Variants in CHL1 observed in about 807,000 individuals in gnomAD.
The protein encoded by CHL1 is neural cell adhesion molecule L1-like protein.
CHL1 carries 96 observed loss-of-function variants against 141.9 expected under a neutral mutation model. The ratio of observed to expected loss-of-function variants is 0.68; its 90% CI spans 0.57 to 0.80. The LOEUF (loss-of-function observed/expected upper bound fraction) is 0.80. Among genes scored for constraint, CHL1 ranks in the 30% least tolerant of loss-of-function variants. The pLI, the probability that CHL1 is intolerant of heterozygous loss-of-function variation, is 0.00. For missense variants in CHL1, 1,820 were observed against 1,457.2 expected (o/e 1.25, Z -4.05); for synonymous variants, 613 against 502.2 (o/e 1.22, Z -2.95).
rs1700484921 is a variant in CHL1 at position 218,073 on chromosome 3, A to T, written c.-175+21010A>T. Among the ~76,000 whole-genome samples the T allele has an allele frequency of 3.3e-5, 5 of 152,242 alleles. No individual in the cohort carries two copies. In the South Asian group the frequency reaches 1.0e-3, roughly 32 times the overall value. The stretch of plus-strand genomic sequence containing the variant: ...ATAACCCACAGCCCCTGCACAGGAA[A>T]CCTCCACAGGAAACAATCAAAGAAT... On this transcript the variant is annotated intron_variant, in intron 1 of 27. Coordinates refer to ENST00000256509, the MANE Select transcript of CHL1 (RefSeq NM_006614.4).
intron 13 of CHL1, among the ~76,000 whole-genome samples, chr3:362,825 G>T (rs151285362): frequency 8.2e-4 from 125 of 152,306 alleles, no homozygotes; most frequent in African/African-American, 2.9e-3. Flanking sequence ...TCCCAGGACA[G>T]CAGGAGGTTT....
intron 18 of CHL1, 31 bp downstream of exon 18, chr3:382,702 A>T: frequency 1.3e-6 from 2 of 1,586,332 alleles, no homozygotes; most frequent in South Asian, 2.2e-5. Flanking sequence ...GGTTTCTAAC[A>T]AAATATTTGT....
At chr3:312,273 C>T (rs1303632276) in intron 2 of CHL1, among the ~76,000 whole-genome samples, 3 of 152,130 alleles carry the variant, frequency 2.0e-5, no homozygotes, top group Non-Finnish European at 2.9e-5. Flanking sequence ...AATGTGCCAG[C>T]TCTGCAGGGA....
chr3:311,687 A>T (rs1399073772), intron 2 of CHL1, among the ~76,000 whole-genome samples: 1 of 152,204 alleles, frequency 6.6e-6, no homozygotes, highest in Non-Finnish European at 1.5e-5. Flanking sequence ...AAGCTAGTGG[A>T]ATGTTTTTAG....
rs1709581228 is a variant in CHL1, at chr3:407,169, A to G, written c.*1458A>G. 1 of 152,092 alleles carries G rather than the reference A, an allele frequency of 6.6e-6. No individual in the cohort carries two copies. 9.4% of individuals were successfully genotyped at this position (152,092 alleles called of 1,614,324 possible). ...TCAGCGCTCGACATTTTATGGAAAG[A>G]TTTTTTTAACCTTACCACGAAATAC... On this transcript the variant is annotated 3_prime_UTR_variant, in exon 28 of 28. Coordinates refer to ENST00000256509, the MANE Select transcript of CHL1 (RefSeq NM_006614.4).
At chr3:369,759 T>G (rs1705386835) in intron 15 of CHL1, among the ~76,000 whole-genome samples, 1 of 152,226 alleles carries the variant, frequency 6.6e-6, no homozygotes, top group Admixed American at 6.5e-5. Flanking sequence ...CTTATTATTT[T>G]GAGATGTGTT....
At chr3:323,575 A>G (rs1700767531) in intron 3 of CHL1, among the ~76,000 whole-genome samples, 1 of 152,134 alleles carries the variant, frequency 6.6e-6, no homozygotes, top group Non-Finnish European at 1.5e-5. Context: ...TGTATCTACA[A>G]TCATCAGAAA....
At chr3:220,568 A>C (rs1353097202) in intron 1 of CHL1, among the ~76,000 whole-genome samples, 1 of 152,146 alleles carries the variant, frequency 6.6e-6, no homozygotes, top group Non-Finnish European at 1.5e-5. Flanking sequence ...CTGTCATGCC[A>C]CCACAGATAT....
At chr3:362,817 C>G (rs552415886) in intron 13 of CHL1, among the ~76,000 whole-genome samples, 1 of 152,248 alleles carries the variant, frequency 6.6e-6, no homozygotes, top group East Asian at 1.9e-4. Context: ...CAATGTTCTC[C>G]CAGGACAGCA....
At chr3:323,181 C>A (rs75824170) in intron 3 of CHL1, among the ~76,000 whole-genome samples, 1 of 151,898 alleles carries the variant, frequency 6.6e-6, no homozygotes, top group Non-Finnish European at 1.5e-5. Context: ...TGAAAGTGAA[C>A]CAAGTGAGCC....
intron 2 of CHL1, among the ~76,000 whole-genome samples, chr3:256,634 A>G (rs918295201): frequency 3.9e-5 from 6 of 152,238 alleles, no homozygotes; most frequent in Non-Finnish European, 7.3e-5. Flanking sequence ...AAAAAGAATT[A>G]TCTTGCCCCA....
intron 16 of CHL1, among the ~76,000 whole-genome samples, chr3:380,919 TA>T: frequency 6.6e-6 from 1 of 152,212 alleles, no homozygotes; most frequent in African/African-American, 2.4e-5. Context: ...CTTAATAAAA[TA>T]TGACCCCTAT....
At chr3:352,499 A>C (rs1703355616) in intron 10 of CHL1, among the ~76,000 whole-genome samples, 1 of 152,216 alleles carries the variant, frequency 6.6e-6, no homozygotes, top group South Asian at 2.1e-4. Flanking sequence ...TTATGAGAAA[A>C]TGCATAAAGT....
intron 1 of CHL1, among the ~76,000 whole-genome samples, chr3:208,137 A>G (rs966415272): frequency 1.3e-5 from 2 of 152,176 alleles, no homozygotes; most frequent in Non-Finnish European, 2.9e-5. Flanking sequence ...TACCAGCTGT[A>G]AACTGAGGAA....
intron 5 of CHL1, among the ~76,000 whole-genome samples, chr3:330,577 A>G (rs915773412): frequency 6.6e-6 from 1 of 152,160 alleles, no homozygotes; most frequent in Non-Finnish European, 1.5e-5. Context: ...GAAAAAATCT[A>G]GACAAATAGA....
intron 1 of CHL1, among the ~76,000 whole-genome samples, chr3:230,880 C>T (rs112060975): frequency 5.2e-4 from 79 of 152,238 alleles, no homozygotes; most frequent in African/African-American, 1.8e-3. Flanking sequence ...TGGCCCAGAT[C>T]AGAGATGATT....
At chr3:247,865 T>C (rs1693313142) in intron 2 of CHL1, 1 of 152,146 alleles carries the variant, frequency 6.6e-6, no homozygotes, top group East Asian at 1.9e-4. Context: ...ATAATCGAAG[T>C]TGTATGCTCT....
rs529911820 is a variant in CHL1 at position 338,892 on chromosome 3, T to C, written c.386-1902T>C. ...TCAGTGGCAGTACTATCTGTTCGAA[T>C]TGCTAGGTTTTTTTTAACGCTCTCA... On this transcript the variant is annotated intron_variant, in intron 5 of 27. Transcript: ENST00000256509. 7.2e-5 allele frequency among the ~76,000 whole-genome samples: 11 copies of C among 152,332 alleles called. No individual in the cohort carries two copies. The South Asian group carries it at 2.1e-3, about 29-fold the overall frequency.
intron 1 of CHL1, among the ~76,000 whole-genome samples, chr3:212,826 C>A (rs1412139351): frequency 6.6e-6 from 1 of 152,142 alleles, no homozygotes; most frequent in Non-Finnish European, 1.5e-5. Flanking sequence ...AAACAACCAG[C>A]CATTCGACAG....
Sources: gnomAD v4.1 joint callset for allele counts (sites outside exome capture counted in the v4.1 genomes callset) on GRCh38, gnomAD v4.1.1 for gene constraint, MANE v1.5 for transcripts, NCBI Gene and HGNC (gene_info 2026-07-23, HGNC 2026-07-21) for gene names.